The following ETNPPL variants were observed in gnomAD, a reference collection of about 807,000 sequenced individuals.
The protein encoded by ETNPPL is ethanolamine-phosphate phospho-lyase.
A neutral mutation model predicts 55.5 loss-of-function variants in ETNPPL; 30 were observed. The observed-to-expected ratio is 0.54, with a 90% CI of 0.40 to 0.73. The LOEUF (loss-of-function observed/expected upper bound fraction) is 0.73, where lower values mean the gene tolerates loss of function less well. Ranked by LOEUF, ETNPPL falls within the 30% of genes least tolerant of loss-of-function variation. The probability of loss-of-function intolerance (pLI) is 0.00; values close to 1 mark genes in which losing one functional copy is unlikely to be tolerated. For missense variants in ETNPPL, 528 were observed against 607.9 expected (o/e 0.87, Z 1.38); for synonymous variants, 202 against 207.2 (o/e 0.98, Z 0.21).
intron 5 of ETNPPL, 118 bp downstream of exon 5, chr4:108,754,502 T>A (rs1409706573): frequency 9.3e-6 from 6 of 645,280 alleles, no homozygotes; most frequent in African/African-American, 1.8e-5. Flanking sequence ...GCAAGCCACA[T>A]AACTGCTCTT....
intron 3 of ETNPPL, among the ~76,000 whole-genome samples, chr4:108,759,261 C>T (rs967920421): frequency 2.7e-5 from 4 of 150,746 alleles, no homozygotes; most frequent in African/African-American, 7.3e-5. Flanking sequence ...ATTAGCTGGG[C>T]GTTGTGGCGG....
intron 5 of ETNPPL, among the ~76,000 whole-genome samples, chr4:108,753,635 G>A (rs760186633): frequency 3.3e-5 from 5 of 151,958 alleles, no homozygotes; most frequent in South Asian, 2.1e-4. Flanking sequence ...CCAGCTGCTC[G>A]GGAGGCTGAG....
rs1313248865 is a variant in ETNPPL, at chr4:108,753,106, A to G, written c.502-95T>C. The G allele has an allele frequency of 2.3e-5, 16 of 703,120 alleles. No homozygotes were observed. The Middle Eastern group carries it at 2.9e-3, about 129-fold the overall frequency. The allele number at this position is 703,120 out of a possible 1,614,324, so 43.6% of individuals were successfully genotyped here. On this transcript the variant is annotated intron_variant, in intron 5 of 12. Transcript: ENST00000296486. The stretch of plus-strand genomic sequence containing the variant: ...CCCACAAGAACATGTTAGAATGGTG[A>G]TCATGTGAACTTAAGATACTTTAGG...
chr4:108,743,916 C>A (rs1380109982), intron 11 of ETNPPL, 60 bp from the exon 12 acceptor site: 1 of 1,154,624 alleles, frequency 8.7e-7, no homozygotes, highest in Non-Finnish European at 1.3e-6. Context: ...AAGAAAAAAA[C>A]TTTTTGGTAT....
chr4:108,762,630 G>T (rs1040222219), intron 1 of ETNPPL: 5 of 659,690 alleles, frequency 7.6e-6, no homozygotes, highest in Non-Finnish European at 1.4e-5. Context: ...ACTTTCGAGC[G>T]GGCAGGAAGC....
intron 12 of ETNPPL, among the ~76,000 whole-genome samples, chr4:108,743,359 G>A (rs7664237): frequency 0.085 from 12,877 of 152,128 alleles, 1,031 homozygotes; most frequent in East Asian, 0.48. Flanking sequence ...CGAAGCTTAC[G>A]CTTTAGTTCG....
At position 108,759,891 on chromosome 4, in the gene ETNPPL, C is replaced by T. The variant is rs774593622; in HGVS notation, c.193G>A (p.Gly65Arg). 6.2e-7 allele frequency: 1 copy of T among 1,614,044 alleles called. No individual in the cohort carries two copies. The highest frequency in any genetic ancestry group is 8.5e-7 in the Non-Finnish European group (1 of 1,179,992). Residue 65 changes from glycine to arginine, a missense_variant, in exon 3 of 13, where the codon GGA (glycine) becomes AGA (arginine). By Grantham distance (125) the Gly-to-Arg change is moderately radical (BLOSUM62 -2). Coordinates refer to ENST00000296486, the MANE Select transcript of ETNPPL (RefSeq NM_031279.4). ...NVAHVGHCHP[G>R]VVKAALKQME... ...TGTTTCAGGGCAGCTTTGACCACTC[C>T]TGGGTGACAGTGTCCCACTAAAATT... is the stretch of plus-strand genomic sequence containing the variant.
intron 4 of ETNPPL, among the ~76,000 whole-genome samples, chr4:108,755,815 C>T (rs1340649034): frequency 3.5e-5 from 5 of 142,330 alleles, no homozygotes; most frequent in Non-Finnish European, 1.5e-5. Flanking sequence ...AGCGAGACTC[C>T]GTCTCAAAAC....
intron 11 of ETNPPL, among the ~76,000 whole-genome samples, chr4:108,745,054 A>T (rs1399610775): frequency 6.6e-6 from 1 of 152,176 alleles, no homozygotes; most frequent in Non-Finnish European, 1.5e-5. Flanking sequence ...ATATAACTAA[A>T]GCAAAAACGA....
At chr4:108,750,832 C>A in intron 7 of ETNPPL, 104 bp downstream of exon 7, 1 of 854,926 alleles carries the variant, frequency 1.2e-6, no homozygotes. Flanking sequence ...TGGCTATTTA[C>A]CAGCTAATCA....
At chr4:108,762,727 G>T in intron 1 of ETNPPL, 116 bp downstream of exon 1, 3 of 1,287,122 alleles carry the variant, frequency 2.3e-6, no homozygotes, top group Admixed American at 3.4e-5. Context: ...CAGGCGCGGC[G>T]GGCACGGAGT....
chr4:108,755,236 G>A (rs1274906376), intron 4 of ETNPPL, among the ~76,000 whole-genome samples: 3 of 152,136 alleles, frequency 2.0e-5, no homozygotes, highest in Non-Finnish European at 4.4e-5. Flanking sequence ...TAAGAACTAA[G>A]ATTGAGGCTA....
chr4:108,754,584 T>G, intron 5 of ETNPPL, 36 bp downstream of exon 5: 1 of 1,092,006 alleles, frequency 9.2e-7, no homozygotes, highest in Admixed American at 1.8e-5. Flanking sequence ...ATTCCTCCAA[T>G]ACAAACATTC....
chr4:108,752,812 T>C (rs1728974624), intron 6 of ETNPPL, 83 bp downstream of exon 6: 8 of 800,802 alleles, frequency 1.0e-5, no homozygotes, highest in Non-Finnish European at 1.2e-5. Context: ...ATATAATCCT[T>C]TTCCATCTCT....
intron 12 of ETNPPL, 49 bp downstream of exon 12, chr4:108,743,740 T>C (rs1388906266): frequency 7.6e-7 from 1 of 1,312,484 alleles, no homozygotes; most frequent in Admixed American, 1.7e-5. Context: ...TTTTAAACAT[T>C]CCCCAAATTT....
At chr4:108,744,232 G>A (rs1045647887) in intron 11 of ETNPPL, among the ~76,000 whole-genome samples, 7 of 151,710 alleles carry the variant, frequency 4.6e-5, no homozygotes, top group Non-Finnish European at 7.4e-5. Context: ...CTGCACTCCA[G>A]CCTGGGCGAC....
intron 3 of ETNPPL, among the ~76,000 whole-genome samples, chr4:108,758,973 C>T (rs1444027635): frequency 1.3e-5 from 2 of 150,624 alleles, no homozygotes; most frequent in Non-Finnish European, 3.0e-5. Context: ...CACTCAAACC[C>T]GGGAGGTGGA....
At chr4:108,752,093 G>A (rs1044153722) in intron 6 of ETNPPL, among the ~76,000 whole-genome samples, 9 of 152,072 alleles carry the variant, frequency 5.9e-5, no homozygotes, top group Admixed American at 5.2e-4. Flanking sequence ...AAGAAGATAC[G>A]AAAAACAAAT....
chr4:108,753,973 CTTTTTTTT>C (rs1213568977), intron 5 of ETNPPL, among the ~76,000 whole-genome samples: 27 of 122,766 alleles, frequency 2.2e-4, no homozygotes, highest in African/African-American at 7.6e-4. Context: ...TTTTTCTTTT[CTTTTTTTT>C]TTTTTTTTTT....
Sources: allele counts gnomAD v4.1 joint callset (sites outside exome capture counted in the v4.1 genomes callset), GRCh38; gene constraint gnomAD v4.1.1; transcripts MANE v1.5; gene names NCBI Gene and HGNC (gene_info 2026-07-23, HGNC 2026-07-21).